SLC44A1: variants seen among roughly 807,000 people sequenced by gnomAD.
SLC44A1 encodes the protein solute carrier family 44 member 1, also known as choline transporter-like protein 1.
Under a neutral mutation model 79.3 loss-of-function variants are expected in SLC44A1, and 26 were observed. That is an observed-to-expected ratio of 0.33 (90% CI 0.24 to 0.46). The LOEUF is 0.46. Among genes scored for constraint, SLC44A1 ranks in the 20% least tolerant of loss-of-function variants. The pLI is 1.00. For missense variants in SLC44A1, 688 were observed against 798.1 expected (o/e 0.86, Z 1.66); for synonymous variants, 263 against 286.2 (o/e 0.92, Z 0.82).
intron 13 of SLC44A1, among the ~76,000 whole-genome samples, chr9:105,381,761 C>A (rs1828473390): frequency 6.6e-6 from 1 of 152,064 alleles, no homozygotes; most frequent in South Asian, 2.1e-4. Flanking sequence ...GATTTGCTCC[C>A]TAGAAGCATC....
chr9:105,381,653 A>G (rs1039688604), intron 13 of SLC44A1, among the ~76,000 whole-genome samples: 1 of 152,104 alleles, frequency 6.6e-6, no homozygotes, highest in African/African-American at 2.4e-5. Context: ...TTAACCATCT[A>G]TGGAAATAAC....
At chr9:105,353,072 G>A (rs1588821459) in intron 5 of SLC44A1, among the ~76,000 whole-genome samples, 1 of 152,026 alleles carries the variant, frequency 6.6e-6, no homozygotes, top group East Asian at 1.9e-4. Context: ...TTCTATTTTT[G>A]TTATTCATTA....
chr9:105,264,646 C>G (rs1400733049), intron 1 of SLC44A1, among the ~76,000 whole-genome samples: 1 of 152,184 alleles, frequency 6.6e-6, no homozygotes, highest in African/African-American at 2.4e-5. Flanking sequence ...GTGTGACTCT[C>G]CTTTGAGTAA....
In SLC44A1 at chr9:105,393,851, C is replaced by T. The variant is rs1379556146; in HGVS notation, c.*4795C>T. On this transcript the variant is annotated 3_prime_UTR_variant, in exon 16 of 16. Coordinates refer to ENST00000374720, the MANE Select transcript of SLC44A1 (RefSeq NM_080546.5). The stretch of plus-strand genomic sequence containing the variant: ...ACAACTTAAATGATTTTCTCCAGGA[C>T]ACGGAGCTCAGAATAATAAAGCTTT... 2 of 984,480 alleles carry T rather than the reference C, an allele frequency of 2.0e-6. No individual in the cohort carries two copies. The highest frequency in any genetic ancestry group is 3.5e-5 in the African/African-American group (2 of 57,204). 61.0% of individuals were successfully genotyped at this position (984,480 alleles called of 1,614,324 possible).
At chr9:105,369,348 C>T (rs537549824) in intron 12 of SLC44A1, among the ~76,000 whole-genome samples, 2 of 152,286 alleles carry the variant, frequency 1.3e-5, no homozygotes, top group East Asian at 3.9e-4. Context: ...TTTCCTGGTT[C>T]AGAGATGGTG....
chr9:105,323,504 T>C (rs1368424890), intron 3 of SLC44A1, among the ~76,000 whole-genome samples: 2 of 152,188 alleles, frequency 1.3e-5, no homozygotes, highest in African/African-American at 4.8e-5. Flanking sequence ...TTGGGTGTTT[T>C]AGAGGAGTAA....
intron 1 of SLC44A1, among the ~76,000 whole-genome samples, chr9:105,282,378 C>G (rs1438688140): frequency 6.6e-6 from 1 of 151,958 alleles, no homozygotes; most frequent in Non-Finnish European, 1.5e-5. Flanking sequence ...CTTAACTCAG[C>G]TTCTGGTGTG....
chr9:105,402,963 C>T (rs1168939750), intron 15 of SLC44A1, among the ~76,000 whole-genome samples: 1 of 148,032 alleles, frequency 6.8e-6, no homozygotes, highest in East Asian at 1.9e-4. Flanking sequence ...AGGCATGCAC[C>T]TTCACACCCA....
intron 3 of SLC44A1, among the ~76,000 whole-genome samples, chr9:105,315,051 C>G (rs1007468898): frequency 2.6e-5 from 4 of 152,028 alleles, no homozygotes; most frequent in African/African-American, 9.7e-5. Context: ...AGTTTCCCAC[C>G]TTTTTTGCTT....
At chr9:105,255,401 A>G (rs1268738007) in intron 1 of SLC44A1, among the ~76,000 whole-genome samples, 1 of 152,214 alleles carries the variant, frequency 6.6e-6, no homozygotes, top group African/African-American at 2.4e-5. Context: ...CTTGAGATAC[A>G]TTAAGAGCCA....
chr9:105,268,975 C>G (rs1830022397), intron 1 of SLC44A1, among the ~76,000 whole-genome samples: 1 of 152,154 alleles, frequency 6.6e-6, no homozygotes, highest in Admixed American at 6.5e-5. Flanking sequence ...CTTTTGTGCT[C>G]TTGTTTCTTG....
chr9:105,311,367 G>A (rs1170703843), intron 3 of SLC44A1, among the ~76,000 whole-genome samples: 1 of 152,126 alleles, frequency 6.6e-6, no homozygotes, highest in Non-Finnish European at 1.5e-5. Context: ...GGAGATAAGA[G>A]GAAAAGGGAT....
intron 15 of SLC44A1, among the ~76,000 whole-genome samples, chr9:105,417,126 T>G (rs2131512273): frequency 6.6e-6 from 1 of 152,306 alleles, no homozygotes; most frequent in Admixed American, 6.5e-5. Flanking sequence ...TAACAGGGAC[T>G]CACACACAGC....
rs771924474 is a variant in SLC44A1 at position 105,359,941 on chromosome 9, C to T, written c.761-1250C>T. Among the ~76,000 whole-genome samples the T allele has an allele frequency of 5.3e-5, 8 of 152,256 alleles. No individual in the cohort carries two copies. In the East Asian group the frequency reaches 5.8e-4, roughly 11 times the overall value. The stretch of plus-strand genomic sequence containing the variant: ...CTTGAGTGCAGATGTTGATGTACAT[C>T]GACTTTGCTTCAGTTTTTTATATCC... On this transcript the variant is annotated intron_variant, in intron 7 of 15. Transcript: ENST00000374720.
At chr9:105,251,149 G>T (rs1048205564) in intron 1 of SLC44A1, among the ~76,000 whole-genome samples, 2 of 152,094 alleles carry the variant, frequency 1.3e-5, no homozygotes, top group East Asian at 1.9e-4. Context: ...CTAGAATATT[G>T]TACAGGCAAC....
intron 1 of SLC44A1, among the ~76,000 whole-genome samples, chr9:105,297,519 G>A (rs1830756610): frequency 6.6e-6 from 1 of 152,070 alleles, no homozygotes; most frequent in African/African-American, 2.4e-5. Context: ...AAGTAGCTGG[G>A]ATTACTGGCA....
intron 12 of SLC44A1, among the ~76,000 whole-genome samples, chr9:105,368,727 C>CAATTA (rs1429258501): frequency 1.3e-5 from 2 of 152,076 alleles, no homozygotes; most frequent in Non-Finnish European, 2.9e-5. Flanking sequence ...TAAACTACGA[C>CAATTA]AATTATGTTT....
chr9:105,376,541 T>G lies in SLC44A1; in HGVS notation c.1632+1806T>G, dbSNP rs557282406. Among the ~76,000 whole-genome samples the G allele has an allele frequency of 2.0e-5, 3 of 152,170 alleles. No individual in the cohort carries two copies. In the East Asian group the frequency reaches 5.8e-4, roughly 29 times the overall value. ...GGCATGCACCACCATGCCCATCTAA[T>G]TTTTGTATTTTTAGTAGAGACAGGG... On this transcript the variant is annotated intron_variant, in intron 13 of 15. Transcript: ENST00000374720.
intron 1 of SLC44A1, among the ~76,000 whole-genome samples, chr9:105,284,908 C>G (rs1431046798): frequency 6.6e-6 from 1 of 152,172 alleles, no homozygotes; most frequent in Non-Finnish European, 1.5e-5. Flanking sequence ...AAAAGAAACC[C>G]CATACCCATT....
Sources: allele counts gnomAD v4.1 joint callset (sites outside exome capture counted in the v4.1 genomes callset), GRCh38; gene constraint gnomAD v4.1.1; transcripts MANE v1.5; gene names NCBI Gene and HGNC (gene_info 2026-07-23, HGNC 2026-07-21).